The following KANSL1L variants were observed in gnomAD, a reference collection of about 807,000 sequenced individuals.
KANSL1L encodes the protein KAT8 regulatory NSL complex subunit 1-like protein.
KANSL1L carries 25 observed loss-of-function variants against 108.6 expected under a neutral mutation model. The ratio of observed to expected loss-of-function variants is 0.23; its 90% CI spans 0.17 to 0.32. The LOEUF is 0.32. Ranked by LOEUF, KANSL1L falls within the 10% of genes least tolerant of loss-of-function variation. The probability of loss-of-function intolerance (pLI) is 1.00; values close to 1 mark genes in which losing one functional copy is unlikely to be tolerated. For synonymous variants in KANSL1L, 405 were observed against 395.1 expected (o/e 1.03, Z -0.30); for missense variants, 1,137 against 1,125.7 (o/e 1.01, Z -0.14).
intron 5 of KANSL1L, among the ~76,000 whole-genome samples, chr2:210,078,285 G>A (rs907568325): frequency 3.3e-5 from 5 of 152,128 alleles, no homozygotes; most frequent in Non-Finnish European, 5.9e-5. Flanking sequence ...TGTTGTATAT[G>A]TGGTCCTTCG....
At chr2:210,162,326 A>G (rs1419092785) in intron 1 of KANSL1L, among the ~76,000 whole-genome samples, 1 of 150,614 alleles carries the variant, frequency 6.6e-6, no homozygotes, top group South Asian at 2.1e-4. Context: ...ACAGGAATTA[A>G]GGGAAAGGAA....
Position 210,023,056 on chromosome 2 carries a change from C to G in KANSL1L, c.2857G>C (p.Gly953Arg). Reference protein sequence around the residue: ...SSTAFHGEIFGTSVPENGHHP... With the variant: ...SSTAFHGEIFRTSVPENGHHP... ...TGGCCATTCTCTGGTACACTGGTACCGAAGATTTCACCATGGAAAGCTGTG... is the reference window on the plus strand; with the variant it reads ...TGGCCATTCTCTGGTACACTGGTACGGAAGATTTCACCATGGAAAGCTGTG... Residue 953 changes from glycine (G) to arginine (R), a missense_variant, in exon 15 of 15, where the codon GGT becomes CGT. Gly to Arg is a moderately radical substitution (Grantham distance 125). This residue lies in a region of KANSL1L where 575 missense variants were observed against 567.1 expected (regional missense o/e 1.01). Transcript: ENST00000281772. 1.9e-6 allele frequency: 3 copies of G among 1,613,776 alleles called. No homozygotes were observed. Among genetic ancestry groups the G allele is most frequent in the Non-Finnish European group, 1.7e-6 (2 of 1,179,890 alleles).
chr2:210,164,968 C>T (rs1310926929), intron 1 of KANSL1L, among the ~76,000 whole-genome samples: 2 of 150,068 alleles, frequency 1.3e-5, no homozygotes, highest in East Asian at 1.9e-4. Flanking sequence ...TGGGTTCAAG[C>T]GATTCTCCTG....
intron 13 of KANSL1L, among the ~76,000 whole-genome samples, 169 bp downstream of exon 13, chr2:210,024,935 A>G (rs985898407): frequency 2.0e-5 from 3 of 152,210 alleles, no homozygotes; most frequent in Admixed American, 2.0e-4. Flanking sequence ...ATTAGCTCAA[A>G]TATATTTTGA....
intron 3 of KANSL1L, among the ~76,000 whole-genome samples, chr2:210,104,803 C>G (rs2094830021): frequency 1.3e-5 from 2 of 152,234 alleles, no homozygotes; most frequent in African/African-American, 2.4e-5. Context: ...CTAAGGAGCC[C>G]TGCCCCTGTT....
chr2:210,108,627 G>A (rs1335202726), intron 3 of KANSL1L, among the ~76,000 whole-genome samples: 5 of 152,014 alleles, frequency 3.3e-5, no homozygotes, highest in South Asian at 2.1e-4. Flanking sequence ...TATAAAAAAC[G>A]TGTGAAATTA....
intron 3 of KANSL1L, among the ~76,000 whole-genome samples, chr2:210,112,293 T>C (rs541171580): frequency 2.0e-5 from 3 of 152,270 alleles, no homozygotes; most frequent in South Asian, 2.1e-4. Context: ...GCTAGCCATA[T>C]GTAGAAAACT....
intron 14 of KANSL1L, 62 bp from the exon 15 acceptor site, chr2:210,023,241 C>G (rs866306145): frequency 1.7e-6 from 2 of 1,149,156 alleles, no homozygotes; most frequent in African/African-American, 1.5e-5. Flanking sequence ...ATTCATCTAA[C>G]AAGTAATCTG....
intron 3 of KANSL1L, among the ~76,000 whole-genome samples, chr2:210,123,557 T>G (rs1052387751): frequency 6.6e-6 from 1 of 151,946 alleles, no homozygotes; most frequent in Non-Finnish European, 1.5e-5. Flanking sequence ...TGGGGATGGC[T>G]AATGGGTACA....
At chr2:210,070,863 A>T (rs559078879) in intron 6 of KANSL1L, among the ~76,000 whole-genome samples, 2 of 152,280 alleles carry the variant, frequency 1.3e-5, no homozygotes, top group East Asian at 3.9e-4. Context: ...AAATTTTTTT[A>T]AATAAAACAT....
intron 6 of KANSL1L, among the ~76,000 whole-genome samples, chr2:210,070,327 T>C (rs1372273031): frequency 1.5e-5 from 2 of 134,222 alleles, no homozygotes; most frequent in African/African-American, 5.6e-5. Context: ...GCCTCCCGGG[T>C]TCATGCCATT....
intron 2 of KANSL1L, among the ~76,000 whole-genome samples, chr2:210,145,906 G>C (rs938713422): frequency 6.6e-6 from 1 of 152,058 alleles, no homozygotes; most frequent in African/African-American, 2.4e-5. Context: ...GACATGTATG[G>C]GGCAGTGGAA....
intron 9 of KANSL1L, chr2:210,031,132 T>C (rs144759320): frequency 8.5e-5 from 22 of 258,968 alleles, no homozygotes; most frequent in Admixed American, 4.5e-4. Flanking sequence ...ATTTTGAGCA[T>C]AGAACACAAC....
In KANSL1L at chr2:210,027,347, C is replaced by G; in HGVS notation, c.2400G>C (p.Trp800Cys). The stretch of plus-strand genomic sequence containing the variant: ...CCAAAGGCTGAAGAACAACCATCCT[C>G]CAGCTGTTGAAGATAAAAACCAATT... Reference protein sequence around the residue: ...LQYKEILTPSWRMVVLQPLDE... With the variant: ...LQYKEILTPSCRMVVLQPLDE... Residue 800 changes from tryptophan (W) to cysteine (C), a missense_variant, in exon 12 of 15, where the codon TGG becomes TGC. By Grantham distance (215) the Trp-to-Cys change is radical (BLOSUM62 -2). This residue lies in a region of KANSL1L where 575 missense variants were observed against 567.1 expected (regional missense o/e 1.01). Coordinates refer to ENST00000281772, the MANE Select transcript of KANSL1L (RefSeq NM_152519.4). The G allele has an allele frequency of 6.2e-7, 1 of 1,612,162 alleles. No homozygotes were observed. The highest frequency in any genetic ancestry group is 8.5e-7 in the Non-Finnish European group (1 of 1,178,362).
At chr2:210,160,534 A>G (rs185769375) in intron 1 of KANSL1L, among the ~76,000 whole-genome samples, 140 of 152,364 alleles carry the variant, frequency 9.2e-4, no homozygotes, top group Middle Eastern at 3.4e-3. Context: ...CTAGAAATAA[A>G]AAACTAGAAA....
chr2:210,096,395 A>G, intron 5 of KANSL1L: 1 of 621,420 alleles, frequency 1.6e-6, no homozygotes, highest in Non-Finnish European at 2.0e-6. Context: ...TTCTGTCTTC[A>G]TATTTGTGTC....
upstream of KANSL1L, chr2:210,171,786 T>G (rs986746685): frequency 1.3e-5 from 2 of 152,008 alleles, no homozygotes; most frequent in African/African-American, 4.8e-5. Context: ...CGCCGGGGCC[T>G]CGACTACTGC....
At chr2:210,056,860 T>C (rs1286542479) in intron 6 of KANSL1L, among the ~76,000 whole-genome samples, 1 of 152,234 alleles carries the variant, frequency 6.6e-6, no homozygotes, top group Admixed American at 6.5e-5. Flanking sequence ...CTTTTCTTCA[T>C]TGCTGATTCA....
intron 6 of KANSL1L, among the ~76,000 whole-genome samples, chr2:210,059,436 T>C (rs886735124): frequency 1.3e-5 from 2 of 152,228 alleles, no homozygotes; most frequent in Non-Finnish European, 2.9e-5. Flanking sequence ...TGCACAGTAC[T>C]GCACACTATT....
Sources: gnomAD v4.1 joint callset for allele counts (sites outside exome capture counted in the v4.1 genomes callset) on GRCh38, gnomAD v4.1.1 for gene constraint, gnomAD v4.1.1 regional missense constraint, MANE v1.5 for transcripts, NCBI Gene and HGNC (gene_info 2026-07-23, HGNC 2026-07-21) for gene names.